CEP112: variants seen among roughly 807,000 people sequenced by gnomAD.
CEP112 encodes the protein centrosomal protein 112, also known as centrosomal protein of 112 kDa.
Under a neutral mutation model 153.0 loss-of-function variants are expected in CEP112, and 127 were observed. The observed-to-expected ratio is 0.83, with a 90% confidence interval of 0.72 to 0.96. The LOEUF is 0.96. CEP112 is among the 40% of genes least tolerant of loss of function. The pLI is 0.00. For missense variants in CEP112, 1,089 were observed against 1,101.2 expected, an observed-to-expected ratio of 0.99 and a Z score of 0.16; for synonymous variants, 358 against 374.4, an observed-to-expected ratio of 0.96 and a Z score of 0.51.
intron 20 of CEP112, among the ~76,000 whole-genome samples, chr17:65,885,454 C>T (rs2059242377): frequency 6.6e-6 from 1 of 151,910 alleles, no homozygotes; most frequent in Non-Finnish European, 1.5e-5. Flanking sequence ...TAATGCAAAA[C>T]AAGTCATTGT....
Position 66,157,536 on chromosome 17 carries a change from C to T in CEP112, c.470+17508G>A, listed in dbSNP as rs182021749. Among the ~76,000 whole-genome samples the T allele has an allele frequency of 4.0e-3, 612 of 152,034 alleles. 3 individuals carry two copies. Among genetic ancestry groups the T allele is most frequent in the Non-Finnish European group, 6.6e-3 (449 of 67,982 alleles). ...CAAATTCACACATAACAATATTAAC[C>T]TTAAATGTAAATGGACTAAATGCCC... is the stretch of plus-strand genomic sequence containing the variant. On this transcript the variant is annotated intron_variant, in intron 4 of 26. Transcript: ENST00000535342.
chr17:66,142,860 T>C (rs1333586193), intron 4 of CEP112, among the ~76,000 whole-genome samples: 10 of 152,172 alleles, frequency 6.6e-5, no homozygotes, highest in Non-Finnish European at 1.2e-4. Context: ...TGAATTTTCA[T>C]ATTTTTTTTA....
chr17:65,793,667 T>C (rs1458464960), intron 21 of CEP112, among the ~76,000 whole-genome samples: 3 of 152,242 alleles, frequency 2.0e-5, no homozygotes, highest in African/African-American at 4.8e-5. Flanking sequence ...TTTTCCTTTA[T>C]TTCTCAGCCT....
At chr17:66,036,841 T>C (rs7225489) in intron 12 of CEP112, among the ~76,000 whole-genome samples, 50,449 of 152,056 alleles carry the variant, frequency 0.33, 9,742 homozygotes, top group Non-Finnish European at 0.45. Flanking sequence ...TTTCAAAACA[T>C]AAAGTAAACA....
At chr17:66,087,651 A>T (rs1420298189) in intron 8 of CEP112, among the ~76,000 whole-genome samples, 1 of 152,216 alleles carries the variant, frequency 6.6e-6, no homozygotes, top group Non-Finnish European at 1.5e-5. Flanking sequence ...ATGCACAAAA[A>T]TACCTTCATA....
chr17:66,113,069 CA>C (rs1568504297), intron 6 of CEP112, among the ~76,000 whole-genome samples: 2 of 151,008 alleles, frequency 1.3e-5, no homozygotes, highest in South Asian at 2.1e-4. Flanking sequence ...AACTCCGTCT[CA>C]AAAAAAAGTA....
intron 17 of CEP112, among the ~76,000 whole-genome samples, chr17:65,969,883 A>G (rs1400153382): frequency 3.3e-5 from 5 of 152,348 alleles, no homozygotes; most frequent in Non-Finnish European, 5.9e-5. Context: ...TTATGTGTAA[A>G]TTACATGCAT....
intron 8 of CEP112, among the ~76,000 whole-genome samples, chr17:66,093,082 C>G (rs1052937191): frequency 6.6e-6 from 1 of 152,048 alleles, no homozygotes; most frequent in African/African-American, 2.4e-5. Flanking sequence ...GTAATCAATC[C>G]CAGCACTTTG....
rs28516581 is a variant in CEP112, at chr17:65,717,696, C to T, written c.2607+25372G>A. Among the ~76,000 whole-genome samples, 346 of 152,276 alleles carry T rather than the reference C, an allele frequency of 2.3e-3. 2 individuals carry two copies. Among genetic ancestry groups the T allele is most frequent in the African/African-American group, 8.1e-3 (336 of 41,556 alleles). ...TGTTTTTCTTCTCAAACCCTGTATC[C>T]CAAACTCTCACAGCTTTTGAGTTTT... On this transcript the variant is annotated intron_variant, in intron 23 of 26. Coordinates refer to ENST00000535342, the MANE Select transcript of CEP112 (RefSeq NM_001199165.4).
intron 1 of CEP112, among the ~76,000 whole-genome samples, chr17:66,190,322 A>T (rs2073115889): frequency 6.6e-6 from 1 of 151,648 alleles, no homozygotes; most frequent in African/African-American, 2.4e-5. Flanking sequence ...AAAAAAAAAA[A>T]TTGAAAATGA....
At chr17:66,140,927 G>A (rs142030940) in intron 4 of CEP112, among the ~76,000 whole-genome samples, 54 of 152,122 alleles carry the variant, frequency 3.5e-4, no homozygotes, top group African/African-American at 1.3e-3. Flanking sequence ...GATTACAGGT[G>A]TGAGCCACCG....
intron 21 of CEP112, among the ~76,000 whole-genome samples, chr17:65,754,909 G>A (rs1331622208): frequency 1.3e-5 from 2 of 152,010 alleles, no homozygotes; most frequent in East Asian, 1.9e-4. Flanking sequence ...ACATGGGGGC[G>A]GGACCCACTG....
chr17:66,107,766 A>C (rs1286502073), intron 6 of CEP112, among the ~76,000 whole-genome samples: 2 of 152,138 alleles, frequency 1.3e-5, no homozygotes, highest in East Asian at 3.8e-4. Flanking sequence ...AATACCAACA[A>C]CATTCTTCAC....
At chr17:65,776,474 C>T (rs1455216639) in intron 21 of CEP112, among the ~76,000 whole-genome samples, 1 of 152,232 alleles carries the variant, frequency 6.6e-6, no homozygotes, top group Non-Finnish European at 1.5e-5. Context: ...ATCTGCCCGC[C>T]TTGGCCTCCC....
chr17:65,775,953 G>C (rs562764973), intron 21 of CEP112, among the ~76,000 whole-genome samples: 4 of 152,196 alleles, frequency 2.6e-5, no homozygotes, highest in Non-Finnish European at 4.4e-5. Flanking sequence ...AATCAGTGAC[G>C]ACTGGCTTTG....
chr17:66,087,692 G>A (rs2067991136), intron 8 of CEP112, among the ~76,000 whole-genome samples: 1 of 152,072 alleles, frequency 6.6e-6, no homozygotes, highest in African/African-American at 2.4e-5. Flanking sequence ...AAATATTACA[G>A]CACGAAATAG....
intron 23 of CEP112, among the ~76,000 whole-genome samples, chr17:65,693,057 G>A (rs1188414698): frequency 6.6e-6 from 1 of 151,996 alleles, no homozygotes; most frequent in African/African-American, 2.4e-5. Flanking sequence ...GATAATAATT[G>A]ATAATATATT....
intron 1 of CEP112, among the ~76,000 whole-genome samples, chr17:66,190,629 C>T (rs2073129256): frequency 6.6e-6 from 1 of 152,148 alleles, no homozygotes; most frequent in South Asian, 2.1e-4. Flanking sequence ...ATAAATAATT[C>T]CAAAGGTAAA....
chr17:65,665,915 C>T (rs924607263), intron 24 of CEP112, among the ~76,000 whole-genome samples: 3 of 152,158 alleles, frequency 2.0e-5, no homozygotes, highest in African/African-American at 7.2e-5. Context: ...TCTGCCACAC[C>T]CTACTGGCTG....
Sources: allele counts gnomAD v4.1 joint callset (sites outside exome capture counted in the v4.1 genomes callset), GRCh38; gene constraint gnomAD v4.1.1; transcripts MANE v1.5; gene names NCBI Gene and HGNC (gene_info 2026-07-23, HGNC 2026-07-21).